Variants in GUCY1A2 observed in about 807,000 individuals in gnomAD.
GUCY1A2 encodes the protein guanylate cyclase 1 soluble subunit alpha 2, also known as guanylate cyclase soluble subunit alpha-2.
A neutral mutation model predicts 63.5 loss-of-function variants in GUCY1A2; 27 were observed. The observed-to-expected ratio is 0.43, with a 90% CI of 0.31 to 0.59. The LOEUF (loss-of-function observed/expected upper bound fraction) is 0.59, where lower values mean the gene tolerates loss of function less well. Among genes scored for constraint, GUCY1A2 ranks in the 20% least tolerant of loss-of-function variants. GUCY1A2 has a pLI of 0.11. For synonymous variants in GUCY1A2, 364 were observed against 343.5 expected, an observed-to-expected ratio of 1.06 and a Z score of -0.66; for missense variants, 768 against 913.3, an observed-to-expected ratio of 0.84 and a Z score of 2.05.
intron 5 of GUCY1A2, among the ~76,000 whole-genome samples, chr11:106,790,222 C>G (rs915194206): frequency 6.6e-6 from 1 of 152,082 alleles, no homozygotes; most frequent in Non-Finnish European, 1.5e-5. Context: ...CACCTTCCTA[C>G]TCTTCCCTCC....
intron 4 of GUCY1A2, among the ~76,000 whole-genome samples, chr11:106,877,015 C>G (rs182305435): frequency 1.3e-5 from 2 of 151,900 alleles, no homozygotes; most frequent in African/African-American, 4.8e-5. Flanking sequence ...CTTATAAGAA[C>G]GAAGCAAAGG....
chr11:106,910,403 C>T (rs902611549), intron 4 of GUCY1A2, among the ~76,000 whole-genome samples: 7 of 151,978 alleles, frequency 4.6e-5, no homozygotes, highest in South Asian at 2.1e-4. Context: ...AAGTATACTA[C>T]GCAGCTCTAG....
At chr11:106,709,506 ATATTATTC>A (rs1863011965) in intron 6 of GUCY1A2, among the ~76,000 whole-genome samples, 1 of 83,382 alleles carries the variant, frequency 1.2e-5, no homozygotes, top group Non-Finnish European at 2.2e-5. Context: ...ATAATAATAT[ATATTATTC>A]TATAAATATA....
At chr11:106,859,870 A>G (rs1205153499) in intron 4 of GUCY1A2, among the ~76,000 whole-genome samples, 1 of 151,970 alleles carries the variant, frequency 6.6e-6, no homozygotes, top group African/African-American at 2.4e-5. Flanking sequence ...CTAGGTGTGC[A>G]GTAGGCTCTA....
chr11:106,744,587 G>A (rs3912583), intron 6 of GUCY1A2, among the ~76,000 whole-genome samples: 52,778 of 151,818 alleles, frequency 0.35, 9,602 homozygotes, highest in African/African-American at 0.44. Flanking sequence ...CTTATGAAAA[G>A]TAATAAGCAG....
intron 6 of GUCY1A2, among the ~76,000 whole-genome samples, chr11:106,745,505 A>G (rs1490484073): frequency 6.6e-6 from 1 of 152,248 alleles, no homozygotes; most frequent in Non-Finnish European, 1.5e-5. Context: ...TTGTTGCCAC[A>G]TACCACCATT....
chr11:107,013,164 C>G (rs754326837), intron 1 of GUCY1A2, among the ~76,000 whole-genome samples: 1 of 152,140 alleles, frequency 6.6e-6, no homozygotes, highest in Non-Finnish European at 1.5e-5. Flanking sequence ...GTCAGTAGCT[C>G]TCCTCTCCTT....
intron 4 of GUCY1A2, among the ~76,000 whole-genome samples, chr11:106,900,242 G>A (rs186871051): frequency 9.5e-4 from 145 of 152,098 alleles, no homozygotes; most frequent in African/African-American, 3.3e-3. Context: ...GGAGTACAGC[G>A]GCACTATATC....
intron 6 of GUCY1A2, among the ~76,000 whole-genome samples, chr11:106,726,767 G>A (rs776555283): frequency 2.0e-5 from 3 of 152,092 alleles, no homozygotes; most frequent in Non-Finnish European, 4.4e-5. Flanking sequence ...GTCATGGATT[G>A]GAATAAGAGC....
chr11:107,009,142 C>T (rs1861710447), intron 1 of GUCY1A2, among the ~76,000 whole-genome samples: 1 of 152,316 alleles, frequency 6.6e-6, no homozygotes, highest in East Asian at 1.9e-4. Context: ...CCCCACCCAA[C>T]TTCACCACTG....
At chr11:106,929,023 ATCTC>A (rs1306330656) in intron 4 of GUCY1A2, among the ~76,000 whole-genome samples, 3 of 152,218 alleles carry the variant, frequency 2.0e-5, no homozygotes, top group South Asian at 2.1e-4. Flanking sequence ...ATAGAAACTG[ATCTC>A]TCTAATAAGT....
chr11:106,931,080 T>G (rs2119942333), intron 4 of GUCY1A2, among the ~76,000 whole-genome samples: 1 of 152,266 alleles, frequency 6.6e-6, no homozygotes, highest in Non-Finnish European at 1.5e-5. Flanking sequence ...GGACAGTAAA[T>G]TGAAGATTAT....
chr11:107,018,008 G>A lies in GUCY1A2; in HGVS notation c.48C>T (p.Ser16=), dbSNP rs149955403. 5.8e-5 allele frequency: 85 copies of A among 1,472,608 alleles called. 1 individual carries two copies. The African/African-American group carries it at 1.0e-3, about 18-fold the overall frequency. The allele number at this position is 1,472,608 out of a possible 1,614,324, so 91.2% of individuals were successfully genotyped here. A position where few individuals can be genotyped will look rare whatever the true frequency, so the allele number is the denominator to read the frequency against. The part of the protein sequence containing the change: ...ISSESFSSLG[S]DYLETSPEEE... ...CCTCCGGGCTGGTCTCCAGGTAGTCGGAGCCCAGGGAGCTGAAGGACTCGG... is the reference window on the plus strand; with the variant it reads ...CCTCCGGGCTGGTCTCCAGGTAGTCAGAGCCCAGGGAGCTGAAGGACTCGG... Residue 16 remains serine, a synonymous_variant, in exon 1 of 8, where the codon TCC becomes TCT. Coordinates refer to ENST00000526355, the MANE Select transcript of GUCY1A2 (RefSeq NM_000855.3).
At position 106,900,024 on chromosome 11, in the gene GUCY1A2, T is replaced by C. The variant is rs963202885; in HGVS notation, c.1206+39436A>G. Among the ~76,000 whole-genome samples, 7 of 147,494 alleles carry C rather than the reference T, an allele frequency of 4.7e-5. No individual in the cohort carries two copies. The Admixed American group carries it at 4.8e-4, about 10-fold the overall frequency. On this transcript the variant is annotated intron_variant, in intron 4 of 7. Coordinates refer to ENST00000526355, the MANE Select transcript of GUCY1A2 (RefSeq NM_000855.3). The stretch of plus-strand genomic sequence containing the variant: ...TGGCGTGAACCCGGGAGGCAGAGCT[T>C]GCAGTGAGCTAAGATCAGGCCACTG...
At position 106,678,385 on chromosome 11, in the gene GUCY1A2, T is replaced by A. The variant is rs1250550705; in HGVS notation, c.*9164A>T. Reference sequence around the variant, plus strand: ...CAACTAGCTGTTTTCATATTTTGCTTCATTTTATGGAAGTTTTAATTTAAA... The same window carrying A: ...CAACTAGCTGTTTTCATATTTTGCTACATTTTATGGAAGTTTTAATTTAAA... On this transcript the variant is annotated 3_prime_UTR_variant, in exon 8 of 8. Coordinates refer to ENST00000526355, the MANE Select transcript of GUCY1A2 (RefSeq NM_000855.3). 1 of 211,166 alleles carries A rather than the reference T, an allele frequency of 4.7e-6. No homozygotes were observed. The highest frequency in any genetic ancestry group is 7.0e-5 in the East Asian group (1 of 14,222). The allele number at this position is 211,166 out of a possible 1,614,324, so 13.1% of individuals were successfully genotyped here. A position where few individuals can be genotyped will look rare whatever the true frequency, so the allele number is the denominator to read the frequency against.
intron 4 of GUCY1A2, among the ~76,000 whole-genome samples, chr11:106,842,371 A>G (rs185046980): frequency 2.6e-5 from 4 of 151,908 alleles, no homozygotes; most frequent in Non-Finnish European, 5.9e-5. Flanking sequence ...GCCCTGACTG[A>G]TATGCTAATA....
intron 1 of GUCY1A2, 44 bp downstream of exon 1, chr11:107,017,709 G>C: frequency 8.4e-7 from 1 of 1,194,822 alleles, no homozygotes; most frequent in South Asian, 1.9e-5. Flanking sequence ...ACAGATCCGC[G>C]TTCTCTCCCC....
chr11:106,693,723 T>C (rs1300897097), intron 7 of GUCY1A2, among the ~76,000 whole-genome samples: 1 of 152,168 alleles, frequency 6.6e-6, no homozygotes, highest in Non-Finnish European at 1.5e-5. Flanking sequence ...CCAACATTAT[T>C]TCCCAACACA....
intron 1 of GUCY1A2, among the ~76,000 whole-genome samples, chr11:106,999,074 C>A (rs1301843896): frequency 6.6e-6 from 1 of 152,182 alleles, no homozygotes; most frequent in Non-Finnish European, 1.5e-5. Flanking sequence ...ATCTCCATCC[C>A]ACCCACAACC....
Sources: allele counts gnomAD v4.1 joint callset (sites outside exome capture counted in the v4.1 genomes callset), GRCh38; gene constraint gnomAD v4.1.1; transcripts MANE v1.5; gene names NCBI Gene and HGNC (gene_info 2026-07-23, HGNC 2026-07-21).